The following CUL2 variants were observed in gnomAD, a reference collection of about 807,000 sequenced individuals.
CUL2 encodes cullin-2.
Under a neutral mutation model 110.2 loss-of-function variants are expected in CUL2, and 22 were observed. The ratio of observed to expected loss-of-function variants is 0.20; its 90% CI spans 0.14 to 0.28. The LOEUF (loss-of-function observed/expected upper bound fraction) is 0.28, where lower values mean the gene tolerates loss of function less well. Ranked by LOEUF, CUL2 falls within the 10% of genes least tolerant of loss-of-function variation. The pLI is 1.00. For missense variants in CUL2, 631 were observed against 905.5 expected, an observed-to-expected ratio of 0.70 and a Z score of 3.89; for synonymous variants, 279 against 293.2, an observed-to-expected ratio of 0.95 and a Z score of 0.49.
At chr10:35,041,537 TTC>T (rs1479535750) in intron 8 of CUL2, among the ~76,000 whole-genome samples, 2 of 136,080 alleles carry the variant, frequency 1.5e-5, no homozygotes, top group East Asian at 4.3e-4. Flanking sequence ...AAATGAGCTT[TTC>T]TTTTTCTTTC....
At chr10:35,057,366 T>TG (rs2086263287) in intron 4 of CUL2, among the ~76,000 whole-genome samples, 2 of 151,712 alleles carry the variant, frequency 1.3e-5, no homozygotes, top group Admixed American at 1.3e-4. Flanking sequence ...TGTTTTAAAA[T>TG]AAAGTCATGG....
chr10:35,113,847 C>T (rs1179288238), intron 1 of CUL2, among the ~76,000 whole-genome samples: 1 of 151,262 alleles, frequency 6.6e-6, no homozygotes, highest in Admixed American at 6.6e-5. Flanking sequence ...GCTGGGATTA[C>T]AGGCGCCCAC....
Position 35,054,536 on chromosome 10 carries a change from A to T in CUL2, c.321T>A (p.Tyr107Ter). 1 of 1,541,136 alleles carries T rather than the reference A, an allele frequency of 6.5e-7. No homozygotes were observed. Among genetic ancestry groups the T allele is most frequent in the Non-Finnish European group, 8.9e-7 (1 of 1,128,212 alleles). The part of the protein sequence containing the change: ...GADYMDCLYR[Y>*]LNTQFIKKNK... ...TCTTTTTAATAAACTGGGTGTTGAG[A>T]TACCTGGAAAATAAATGTAATATCA... Residue 107 changes from tyrosine (Y) to a stop codon, truncating the protein, a stop_gained, in exon 5 of 21, where the codon TAT becomes TAA. Coordinates refer to ENST00000374749, the MANE Select transcript of CUL2 (RefSeq NM_003591.4). LOFTEE classifies it high-confidence loss of function.
At chr10:35,060,274 A>T (rs2182516) in intron 4 of CUL2, among the ~76,000 whole-genome samples, 20,522 of 152,008 alleles carry the variant, frequency 0.14, 1,569 homozygotes, top group South Asian at 0.2. Context: ...AATAAAAAAT[A>T]AAAAAAAGGA....
At chr10:35,113,554 A>C (rs2087551444) in intron 1 of CUL2, among the ~76,000 whole-genome samples, 2 of 150,224 alleles carry the variant, frequency 1.3e-5, no homozygotes, top group Admixed American at 6.7e-5. Context: ...AGTAACTAGC[A>C]ATGTGAAATT....
intron 1 of CUL2, among the ~76,000 whole-genome samples, chr10:35,122,675 T>C (rs547709922): frequency 1.3e-5 from 2 of 152,210 alleles, no homozygotes; most frequent in African/African-American, 2.4e-5. Context: ...TCTTGCTCCA[T>C]GGCCCAGGCT....
chr10:35,077,006 A>G (rs907765974), intron 1 of CUL2, among the ~76,000 whole-genome samples: 4 of 152,098 alleles, frequency 2.6e-5, no homozygotes, highest in African/African-American at 9.7e-5. Context: ...GAGCCGAGAT[A>G]AAACTCCCAA....
chr10:35,048,925 A>C (rs2086020453), intron 6 of CUL2, among the ~76,000 whole-genome samples: 1 of 152,036 alleles, frequency 6.6e-6, no homozygotes, highest in South Asian at 2.1e-4. Flanking sequence ...TATAAAAAAA[A>C]CTCCTTATTT....
Position 35,009,753 on chromosome 10 carries a change from G to A in CUL2, c.*558C>T, listed in dbSNP as rs993859421. ...ATGTAGGATTTAAATAGGAGTACAA[G>A]TGAATTAAACCATTCAGATAAAAAC... On this transcript the variant is annotated 3_prime_UTR_variant, in exon 21 of 21. Coordinates refer to ENST00000374749, the MANE Select transcript of CUL2 (RefSeq NM_003591.4). 2 of 152,572 alleles carry A rather than the reference G, an allele frequency of 1.3e-5. No homozygotes were observed. The highest frequency in any genetic ancestry group is 2.9e-5 in the Non-Finnish European group (2 of 68,024). The allele number at this position is 152,572 out of a possible 1,614,324, so 9.5% of individuals were successfully genotyped here.
chr10:35,053,197 T>G (rs909130063), intron 5 of CUL2, among the ~76,000 whole-genome samples: 11 of 152,170 alleles, frequency 7.2e-5, no homozygotes, highest in African/African-American at 2.7e-4. Flanking sequence ...GGAAGAGAAG[T>G]GTGCTTGACA....
chr10:35,037,754 A>C (rs931004322), intron 9 of CUL2, among the ~76,000 whole-genome samples: 10 of 151,826 alleles, frequency 6.6e-5, no homozygotes, highest in African/African-American at 2.4e-4. Context: ...GAGGCAGGAG[A>C]ATCGCTTGAA....
At chr10:35,044,223 C>CTTA (rs1294195164) in intron 8 of CUL2, among the ~76,000 whole-genome samples, 7 of 152,100 alleles carry the variant, frequency 4.6e-5, no homozygotes. Context: ...AGCTTCTGCA[C>CTTA]TTATCCTATT....
Position 35,035,249 on chromosome 10 carries a change from G to T in CUL2, c.925C>A (p.Pro309Thr). 1 of 1,614,128 alleles carries T rather than the reference G, an allele frequency of 6.2e-7. No individual in the cohort carries two copies. The highest frequency in any genetic ancestry group is 1.7e-5 in the Admixed American group (1 of 60,028). The change falls in exon 10 of 21, where the codon CCT becomes ACT. Residue 309 changes from proline to threonine, a missense_variant. Transcript: ENST00000374749. ...TTTTGCAGCTCCTGAATCATATGAG[G>T]TAAACCAGTGGACACAGCACGGAGT... ...VLLRAVSTGLPHMIQELQNHI... is the reference protein window; with the variant it reads ...VLLRAVSTGLTHMIQELQNHI...
chr10:35,061,399 C>T (rs767066234), intron 3 of CUL2, among the ~76,000 whole-genome samples: 3 of 146,106 alleles, frequency 2.1e-5, no homozygotes. Flanking sequence ...CACTTGAACC[C>T]GATCGCACCG....
intron 1 of CUL2, among the ~76,000 whole-genome samples, chr10:35,079,869 C>A (rs576053046): frequency 4.6e-5 from 7 of 152,106 alleles, no homozygotes; most frequent in Non-Finnish European, 1.0e-4. Context: ...ACAAATACTG[C>A]AAAACTGCAA....
Position 35,031,330 on chromosome 10 carries a change from G to A in CUL2, c.1356C>T (p.Asp452=). ...ATTTGTTGATCATGGCTTCTTCAGA[G>A]TCCATAGACATGGATAACCCATGAA... ...RLIHGLSMSM[D]SEEAMINKLK... Residue 452 remains aspartate, a synonymous_variant, in exon 14 of 21, where the codon GAC becomes GAT. Transcript: ENST00000374749. This position sits in a 1 kb window ranked among gnomAD's most constrained non-coding sequence, Gnocchi z 4.4. 6.2e-7 allele frequency: 1 copy of A among 1,604,818 alleles called. No homozygotes were observed. Among genetic ancestry groups the A allele is most frequent in the Non-Finnish European group, 8.5e-7 (1 of 1,175,800 alleles).
At position 35,054,516 on chromosome 10, in the gene CUL2, T is replaced by C. The variant is rs2134875630; in HGVS notation, c.341A>G (p.Lys114Arg). 1 of 1,592,762 alleles carries C rather than the reference T, an allele frequency of 6.3e-7. No individual in the cohort carries two copies. Among genetic ancestry groups the C allele is most frequent in the East Asian group, 2.3e-5 (1 of 44,146 alleles). The change falls in exon 5 of 21, where the codon AAA (lysine) becomes AGA (arginine). Residue 114 changes from lysine to arginine, a missense_variant. Lys to Arg is a conservative substitution (Grantham distance 26, BLOSUM62 2). This residue lies in a region of CUL2 where 338 missense variants were observed against 442.5 expected (regional missense o/e 0.76). Transcript: ENST00000374749. ...GTCCGCTTCTGTTAATTTATTCTTT[T>C]TAATAAACTGGGTGTTGAGATACCT... ...LYRYLNTQFIKKNKLTEADLQ... is the reference protein window; with the variant it reads ...LYRYLNTQFIRKNKLTEADLQ...
chr10:35,055,777 C>T (rs757673967), intron 4 of CUL2, among the ~76,000 whole-genome samples: 15 of 152,160 alleles, frequency 9.9e-5, no homozygotes, highest in Non-Finnish European at 1.5e-4. Flanking sequence ...TTATTCCTTC[C>T]TCTCTATCCT....
intron 5 of CUL2, 62 bp from the exon 6 acceptor site, chr10:35,049,827 A>G: frequency 2.6e-6 from 3 of 1,150,100 alleles, no homozygotes; most frequent in Non-Finnish European, 3.8e-6. Context: ...ACATTTCCTC[A>G]AGGTTTTTTT....
Sources: gnomAD v4.1 joint callset for allele counts (sites outside exome capture counted in the v4.1 genomes callset) on GRCh38, gnomAD v4.1.1 for gene constraint, gnomAD v4.1.1 regional missense constraint, Gnocchi (gnomAD v3.1) non-coding constraint, MANE v1.5 for transcripts, NCBI Gene and HGNC (gene_info 2026-07-23, HGNC 2026-07-21) for gene names.